The following NWD1 variants were observed in gnomAD, a reference collection of about 807,000 sequenced individuals.
NWD1 encodes the protein NACHT domain- and WD repeat-containing protein 1.
A neutral mutation model predicts 135.1 loss-of-function variants in NWD1; 129 were observed. That is an observed-to-expected ratio of 0.96 (90% CI 0.83 to 1.11). NWD1 has a LOEUF of 1.11. Among genes scored for constraint, NWD1 ranks in the 50% least tolerant of loss-of-function variants. The pLI is 0.00. For synonymous variants in NWD1, 773 were observed against 786.0 expected, an observed-to-expected ratio of 0.98 and a Z score of 0.28; for missense variants, 1,740 against 1,851.3, an observed-to-expected ratio of 0.94 and a Z score of 1.10.
intron 4 of NWD1, among the ~76,000 whole-genome samples, chr19:16,740,050 G>A (rs868834472): frequency 6.6e-6 from 1 of 151,806 alleles, no homozygotes; most frequent in Non-Finnish European, 1.5e-5. Context: ...TAATCCCAGC[G>A]CTTTGAGAGG....
In NWD1 at chr19:16,815,522, G is replaced by A; in HGVS notation, c.*483G>A. The A allele has an allele frequency of 1.8e-6, 1 of 545,390 alleles. No individual in the cohort carries two copies. The highest frequency in any genetic ancestry group is 3.2e-6 in the Non-Finnish European group (1 of 309,156). The allele number at this position is 545,390 out of a possible 1,614,324, so 33.8% of individuals were successfully genotyped here. ...CTTTTTCATTTTCATTCTCAGACTT[G>A]CCACCCCCAGGTTAGCAACATGGTG... is the stretch of plus-strand genomic sequence containing the variant. On this transcript the variant is annotated 3_prime_UTR_variant, in exon 19 of 19. Coordinates refer to ENST00000524140, the MANE Select transcript of NWD1 (RefSeq NM_001007525.5).
chr19:16,773,174 C>T lies in NWD1; in HGVS notation c.2459C>T (p.Ala820Val), dbSNP rs1200995384. Residue 820 changes from alanine (A) to valine (V), a missense_variant, in exon 11 of 19, where the codon GCC becomes GTC. By Grantham distance (64) the Ala-to-Val change is moderately conservative. Coordinates refer to ENST00000524140, the MANE Select transcript of NWD1 (RefSeq NM_001007525.5). ...CTGCTGGCCAGACTCCATTTCTTCG[C>T]CACCTCACATCCAGCACTGGTGGGA... ...TELLARLHFF[A>V]TSHPALVGQL... The T allele has an allele frequency of 6.2e-7, 1 of 1,613,826 alleles. No individual in the cohort carries two copies. Among genetic ancestry groups the T allele is most frequent in the Non-Finnish European group, 8.5e-7 (1 of 1,180,030 alleles).
chr19:16,736,686 C>T lies in NWD1; in HGVS notation c.134C>T (p.Thr45Ile), dbSNP rs1178974162. ...IRNIEATDHL[T>I]TELCLEEVDR... ...AACATTGAAGCCACTGACCACTTGA[C>T]CACAGAACTCTGCTTGGAGGAGGTT... The change falls in exon 4 of 19, where the codon ACC (threonine) becomes ATC (isoleucine). Residue 45 changes from threonine to isoleucine, a missense_variant. Thr to Ile is a moderately conservative substitution (Grantham distance 89). Coordinates refer to ENST00000524140, the MANE Select transcript of NWD1 (RefSeq NM_001007525.5). The T allele has an allele frequency of 1.3e-6, 2 of 1,536,232 alleles. No individual in the cohort carries two copies. The highest frequency in any genetic ancestry group is 2.4e-5 in the South Asian group (2 of 84,066).
At chr19:16,739,591 G>A (rs758782698) in intron 4 of NWD1, among the ~76,000 whole-genome samples, 1 of 152,046 alleles carries the variant, frequency 6.6e-6, no homozygotes, top group Non-Finnish European at 1.5e-5. Flanking sequence ...CTTGAACCAG[G>A]CATCACCCCT....
intron 7 of NWD1, among the ~76,000 whole-genome samples, chr19:16,761,492 C>A (rs1246085993): frequency 6.6e-6 from 1 of 152,042 alleles, no homozygotes; most frequent in East Asian, 1.9e-4. Context: ...CCTGCCTCAG[C>A]CTCCCAAGAG....
intron 10 of NWD1, among the ~76,000 whole-genome samples, chr19:16,768,745 T>C (rs1568366021): frequency 6.6e-6 from 1 of 152,190 alleles, no homozygotes; most frequent in Non-Finnish European, 1.5e-5. Context: ...GTGAGCTGAA[T>C]TCACAAAGGA....
intron 12 of NWD1, among the ~76,000 whole-genome samples, chr19:16,784,591 A>G (rs1969973751): frequency 6.6e-6 from 1 of 152,034 alleles, no homozygotes; most frequent in South Asian, 2.1e-4. Context: ...TCTACAGAAC[A>G]GCAAGGAAAT....
intron 5 of NWD1, among the ~76,000 whole-genome samples, chr19:16,746,807 G>T (rs1968340814): frequency 6.6e-6 from 1 of 152,042 alleles, no homozygotes. Flanking sequence ...TCACAAGGAA[G>T]AGAAAATATG....
chr19:16,735,379 G>C (rs1294926201), intron 3 of NWD1, among the ~76,000 whole-genome samples: 1 of 151,610 alleles, frequency 6.6e-6, no homozygotes, highest in East Asian at 1.9e-4. Context: ...GGTGGTGCAC[G>C]CCTGTAATCC....
rs751016845 is a variant in NWD1, at chr19:16,799,986, C to T, written c.3560C>T (p.Ala1187Val). ...CGCGGCGGGGCTTTGGTGGCATCTGCTTCCCCACAGTCCTCATCTTTCAAG... is the reference window on the plus strand; with the variant it reads ...CGCGGCGGGGCTTTGGTGGCATCTGTTTCCCCACAGTCCTCATCTTTCAAG... Reference protein sequence around the residue: ...LARGGALVASASPQSSSFKVW... With the variant: ...LARGGALVASVSPQSSSFKVW... Residue 1187 changes from alanine to valine, a missense_variant, in exon 17 of 19, where the codon GCT becomes GTT. By Grantham distance (64) the Ala-to-Val change is moderately conservative (BLOSUM62 0). Transcript: ENST00000524140. 1 of 1,614,192 alleles carries T rather than the reference C, an allele frequency of 6.2e-7. No homozygotes were observed. Among genetic ancestry groups the T allele is most frequent in the Non-Finnish European group, 8.5e-7 (1 of 1,180,016 alleles).
chr19:16,791,586 G>A lies in NWD1; in HGVS notation c.3177G>A (p.Lys1059=), dbSNP rs377014055. ...TCAVSVQKQG[K]LVTGFSNGSI... Reference sequence around the variant, plus strand: ...CCGTCTCAGTCCAGAAGCAAGGAAAGCTTGTTACCGGGTTTAGCAATGGCT... The same window carrying A: ...CCGTCTCAGTCCAGAAGCAAGGAAAACTTGTTACCGGGTTTAGCAATGGCT... Residue 1059 remains lysine (K), a synonymous_variant, in exon 14 of 19, where the codon AAG becomes AAA. Coordinates refer to ENST00000524140, the MANE Select transcript of NWD1 (RefSeq NM_001007525.5). 2 of 1,614,206 alleles carry A rather than the reference G, an allele frequency of 1.2e-6. No individual in the cohort carries two copies. The highest frequency in any genetic ancestry group is 4.5e-5 in the East Asian group (2 of 44,886).
chr19:16,800,110 C>T lies in NWD1; in HGVS notation c.3684C>T (p.Tyr1228=). The stretch of plus-strand genomic sequence containing the variant: ...TGTCCCACAATGGAAGCTACGTCTA[C>T]TTCCCCAAAATTGGGGACAAAAACA... ...TAVSHNGSYV[Y]FPKIGDKNKV... is the part of the protein sequence containing the mutation. The change falls in exon 17 of 19, where the codon TAC becomes TAT. Residue 1228 remains tyrosine, a synonymous_variant. Transcript: ENST00000524140. 1 of 1,614,020 alleles carries T rather than the reference C, an allele frequency of 6.2e-7. No homozygotes were observed.
intron 14 of NWD1, among the ~76,000 whole-genome samples, chr19:16,792,312 G>A (rs901422125): frequency 6.6e-6 from 1 of 151,880 alleles, no homozygotes; most frequent in South Asian, 2.1e-4. Flanking sequence ...AGGCTGAGGG[G>A]GGGTGGATCA....
intron 4 of NWD1, among the ~76,000 whole-genome samples, chr19:16,743,918 G>A (rs1031827989): frequency 2.0e-5 from 3 of 150,632 alleles, no homozygotes; most frequent in African/African-American, 7.3e-5. Context: ...CCTGACCTCA[G>A]GTAATCCACC....
rs116685346 is a variant in NWD1, at chr19:16,798,479, C to T, written c.3459+593C>T. ...CACAAAAATTAGCCGGGCGTCATGG[C>T]ATGTGCCTGTAGTCCTAGCTACTCA... On this transcript the variant is annotated intron_variant, in intron 16 of 18. Transcript: ENST00000524140. Among the ~76,000 whole-genome samples, 1,159 of 152,144 alleles carry T rather than the reference C, an allele frequency of 7.6e-3. 21 individuals carry two copies. The highest frequency in any genetic ancestry group is 0.027 in the African/African-American group (1,120 of 41,534).
chr19:16,750,257 G>C lies in NWD1; in HGVS notation c.1615G>C (p.Ala539Pro). 6.2e-7 allele frequency: 1 copy of C among 1,613,594 alleles called. No individual in the cohort carries two copies. The highest frequency in any genetic ancestry group is 8.5e-7 in the Non-Finnish European group (1 of 1,179,876). The change falls in exon 6 of 19, where the codon GCG becomes CCG. Residue 539 changes from alanine to proline, a missense_variant. By Grantham distance (27) the Ala-to-Pro change is conservative (BLOSUM62 -1). Coordinates refer to ENST00000524140, the MANE Select transcript of NWD1 (RefSeq NM_001007525.5). ...TGGGAACCCAGGGCGGCTGAGGCTG[G>C]CGTTTGAGGAAGCCCGGAAATGGGC... ...ECGNPGRLRL[A>P]FEEARKWASF...
Position 16,791,738 on chromosome 19 carries a change from A to G in NWD1, c.3213+116A>G, listed in dbSNP as rs1291573081. On this transcript the variant is annotated intron_variant, in intron 14 of 18. Coordinates refer to ENST00000524140, the MANE Select transcript of NWD1 (RefSeq NM_001007525.5). ...TATCTTTGTTTTGTTTTGGAGATGA[A>G]GTTTCACTTTTGTTGCCCAGGCTGG... 7 of 1,129,906 alleles carry G rather than the reference A, an allele frequency of 6.2e-6. No individual in the cohort carries two copies. The East Asian group carries it at 1.7e-4, about 27-fold the overall frequency. The allele number at this position is 1,129,906 out of a possible 1,614,324, so 70.0% of individuals were successfully genotyped here.
chr19:16,754,466 AT>A (rs1968706689), intron 6 of NWD1, among the ~76,000 whole-genome samples: 1 of 42,042 alleles, frequency 2.4e-5, no homozygotes, highest in East Asian at 3.6e-4. Context: ...TCTATTTTCC[AT>A]CCATCCATCC....
chr19:16,808,549 A>AAAAAGAAAAGAAAAGAAAAG (rs537771096), intron 18 of NWD1, among the ~76,000 whole-genome samples: 6 of 151,852 alleles, frequency 4.0e-5, no homozygotes, highest in African/African-American at 1.5e-4. Flanking sequence ...CGTTTAAAAA[A>AAAAAGAAAAGAAAAGAAAAG]AAAAGAAAAG....
Sources: gnomAD v4.1 joint callset for allele counts (sites outside exome capture counted in the v4.1 genomes callset) on GRCh38, gnomAD v4.1.1 for gene constraint, MANE v1.5 for transcripts, NCBI Gene and HGNC (gene_info 2026-07-23, HGNC 2026-07-21) for gene names.